PCNX2: variants seen among roughly 807,000 people sequenced by gnomAD.
PCNX2 encodes the protein pecanex-like protein 2.
PCNX2 carries 168 observed loss-of-function variants against 223.8 expected under a neutral mutation model. The ratio of observed to expected loss-of-function variants is 0.75; its 90% CI spans 0.66 to 0.85. PCNX2 has a LOEUF of 0.85. PCNX2 is among the 40% of genes least tolerant of loss of function. PCNX2 has a pLI of 0.00. For missense variants in PCNX2, 2,507 were observed against 2,675.5 expected (o/e 0.94, Z 1.39); for synonymous variants, 1,006 against 1,052.6 (o/e 0.96, Z 0.86).
At chr1:233,056,313 C>G (rs919368249) in intron 24 of PCNX2, among the ~76,000 whole-genome samples, 74 of 152,336 alleles carry the variant, frequency 4.9e-4, no homozygotes, top group African/African-American at 1.8e-3. Context: ...CAATTGAAAT[C>G]ACTAAAAGTA....
intron 13 of PCNX2, chr1:233,201,744 A>G (rs951569843): frequency 1.3e-5 from 2 of 154,188 alleles, no homozygotes; most frequent in Non-Finnish European, 2.9e-5. Context: ...AATGATATGA[A>G]AGGCAAAGCC....
chr1:233,229,166 A>G (rs1019594222), intron 9 of PCNX2, among the ~76,000 whole-genome samples: 1 of 152,222 alleles, frequency 6.6e-6, no homozygotes, highest in Non-Finnish European at 1.5e-5. Flanking sequence ...TCTCCAAGAA[A>G]GCAAATTTTA....
At chr1:233,206,647 A>AT (rs1260476196) in intron 13 of PCNX2, among the ~76,000 whole-genome samples, 4 of 151,942 alleles carry the variant, frequency 2.6e-5, no homozygotes, top group Non-Finnish European at 5.9e-5. Flanking sequence ...ATCTGTTCTT[A>AT]TTTTTTTTCC....
At chr1:233,130,996 T>C (rs1676472006) in intron 21 of PCNX2, among the ~76,000 whole-genome samples, 2 of 152,160 alleles carry the variant, frequency 1.3e-5, no homozygotes, top group African/African-American at 4.8e-5. Context: ...CTCTCCTCTG[T>C]TTCTACCCAT....
intron 6 of PCNX2, 55 bp from the exon 7 acceptor site, chr1:233,252,554 G>A (rs1659520006): frequency 6.3e-7 from 1 of 1,585,856 alleles, no homozygotes; most frequent in Non-Finnish European, 8.6e-7. Flanking sequence ...CCTTATCCTT[G>A]ATAAAGCATT....
intron 15 of PCNX2, among the ~76,000 whole-genome samples, chr1:233,196,769 G>A (rs574149965): frequency 1.3e-5 from 2 of 152,166 alleles, no homozygotes; most frequent in South Asian, 2.1e-4. Context: ...AAAGAAAAAT[G>A]GTATAGAAAC....
intron 21 of PCNX2, among the ~76,000 whole-genome samples, chr1:233,099,923 T>G (rs1209703707): frequency 1.3e-5 from 2 of 152,230 alleles, no homozygotes; most frequent in Non-Finnish European, 1.5e-5. Flanking sequence ...AGATTAGCTA[T>G]GAACTTGCAT....
In PCNX2 at chr1:233,225,946, T is replaced by C. The variant is rs150627872; in HGVS notation, c.2504+1280A>G. Among the ~76,000 whole-genome samples, 195 of 152,340 alleles carry C rather than the reference T, an allele frequency of 1.3e-3. 3 individuals are homozygous for C. In the East Asian group the frequency reaches 0.037, roughly 29 times the overall value. ...CTGACTTGTGGGTCCTGAAATTTAC[T>C]GTTGTAATTTTGCATGACTATAGTT... On this transcript the variant is annotated intron_variant, in intron 10 of 33. Transcript: ENST00000258229.
At chr1:233,143,401 C>T (rs1222104619) in intron 19 of PCNX2, among the ~76,000 whole-genome samples, 1 of 152,188 alleles carries the variant, frequency 6.6e-6, no homozygotes, top group Non-Finnish European at 1.5e-5. Flanking sequence ...AGACATTCTA[C>T]ATTTCTAATA....
At chr1:233,083,065 T>C (rs912714710) in intron 23 of PCNX2, among the ~76,000 whole-genome samples, 2 of 152,160 alleles carry the variant, frequency 1.3e-5, no homozygotes, top group African/African-American at 2.4e-5. Flanking sequence ...AGCAAATATT[T>C]TGTAAAATAA....
intron 1 of PCNX2, among the ~76,000 whole-genome samples, chr1:233,279,311 C>T (rs1286220010): frequency 5.3e-5 from 8 of 152,078 alleles, no homozygotes; most frequent in Non-Finnish European, 8.8e-5. Context: ...CTCGACCTCC[C>T]GGGCTCAAGT....
chr1:233,140,375 CCTT>C (rs1407681221), intron 19 of PCNX2, among the ~76,000 whole-genome samples: 1 of 152,188 alleles, frequency 6.6e-6, no homozygotes, highest in Non-Finnish European at 1.5e-5. Flanking sequence ...GAATCTATTA[CCTT>C]CTTCTGAGTG....
At chr1:233,286,743 G>A (rs78173766) in intron 1 of PCNX2, among the ~76,000 whole-genome samples, 14,879 of 151,904 alleles carry the variant, frequency 0.098, 855 homozygotes, top group South Asian at 0.17. Flanking sequence ...CTAGGAACAC[G>A]TGCCATGCTC....
At chr1:233,309,538 C>CAAAAA in the PCNX2 span, among the ~76,000 whole-genome samples, 8 of 141,574 alleles carry the variant, frequency 5.7e-5, no homozygotes, top group Middle Eastern at 0.011. Context: ...GAGACTCCCT[C>CAAAAA]AAAAAAATAA....
chr1:233,198,030 A>T (rs10910114), intron 15 of PCNX2, among the ~76,000 whole-genome samples: 45,019 of 151,942 alleles, frequency 0.3, 7,626 homozygotes, highest in East Asian at 0.57. Flanking sequence ...ATACTGTTAT[A>T]TTTAGACTTA....
At chr1:233,042,472 C>T (rs1054239317) in intron 25 of PCNX2, among the ~76,000 whole-genome samples, 1 of 152,200 alleles carries the variant, frequency 6.6e-6, no homozygotes, top group African/African-American at 2.4e-5. Context: ...CCAGTAGTTG[C>T]TCAACTTCTG....
chr1:233,127,058 A>G (rs1490847447), intron 21 of PCNX2, among the ~76,000 whole-genome samples: 4 of 152,120 alleles, frequency 2.6e-5, no homozygotes, highest in Admixed American at 2.6e-4. Context: ...AGTTGCTTGG[A>G]TGATTGCAAT....
At chr1:233,197,551 G>GT (rs1274663056) in intron 15 of PCNX2, among the ~76,000 whole-genome samples, 65 of 152,244 alleles carry the variant, frequency 4.3e-4, no homozygotes, top group African/African-American at 1.4e-3. Flanking sequence ...GATAAATGTG[G>GT]TAACAAACGG....
At chr1:233,052,139 G>A (rs972485520) in intron 25 of PCNX2, among the ~76,000 whole-genome samples, 6 of 151,986 alleles carry the variant, frequency 3.9e-5, no homozygotes, top group African/African-American at 7.2e-5. Context: ...AAAAGTGCAC[G>A]GAATGCACAC....
Sources: gnomAD v4.1 joint callset for allele counts (sites outside exome capture counted in the v4.1 genomes callset) on GRCh38, gnomAD v4.1.1 for gene constraint, MANE v1.5 for transcripts, NCBI Gene and HGNC (gene_info 2026-07-23, HGNC 2026-07-21) for gene names.